Variants in DGCR6L observed in about 807,000 individuals in gnomAD.
DGCR6L encodes DiGeorge syndrome critical region gene 6 like, also known as protein DGCR6L.
DGCR6L carries 24 observed loss-of-function variants against 31.1 expected under a neutral mutation model. The observed-to-expected ratio is 0.77, with a 90% CI of 0.56 to 1.08. DGCR6L has a LOEUF of 1.08. Among genes scored for constraint, DGCR6L ranks in the 50% least tolerant of loss-of-function variants. The probability of loss-of-function intolerance (pLI) is 0.00; values close to 1 mark genes in which losing one functional copy is unlikely to be tolerated. For missense variants in DGCR6L, 218 were observed against 287.1 expected (o/e 0.76, Z 1.74); for synonymous variants, 104 against 126.1 (o/e 0.82, Z 1.17).
chr22:20,316,146 A>G lies in DGCR6L; in HGVS notation c.345T>C (p.Val115=). Residue 115 remains valine (V), a synonymous_variant, in exon 3 of 5, where the codon GTT becomes GTC. Coordinates refer to ENST00000248879, the MANE Select transcript of DGCR6L (RefSeq NM_033257.4). ...CTAGTTCTCGCTGCTGAGCCGCCTG[A>G]ACCACAGGCAGGTTGTGGGGCCGGC... ...QACRPHNLPV[V]QAAQQRELEA... The G allele has an allele frequency of 6.2e-7, 1 of 1,611,118 alleles. No individual in the cohort carries two copies. The highest frequency in any genetic ancestry group is 8.5e-7 in the Non-Finnish European group (1 of 1,179,512).
rs2051556584 is a variant in DGCR6L, at chr22:20,314,555, G to C, written c.*120C>G. ...TGACAGCAAGTCCCAGATGAAGGGTGACAGGCAGCTGGGGTCCACCTGGTC... is the reference window on the plus strand; with the variant it reads ...TGACAGCAAGTCCCAGATGAAGGGTCACAGGCAGCTGGGGTCCACCTGGTC... On this transcript the variant is annotated 3_prime_UTR_variant, in exon 5 of 5. Coordinates refer to ENST00000248879, the MANE Select transcript of DGCR6L (RefSeq NM_033257.4). The C allele has an allele frequency of 7.5e-7, 1 of 1,341,180 alleles. No individual in the cohort carries two copies. The highest frequency in any genetic ancestry group is 2.9e-5 in the Admixed American group (1 of 34,990). 83.1% of individuals were successfully genotyped at this position (1,341,180 alleles called of 1,614,324 possible). A position where few individuals can be genotyped will look rare whatever the true frequency, so the allele number is the denominator to read the frequency against.
At chr22:20,317,591 C>T (rs1208778524) in intron 2 of DGCR6L, among the ~76,000 whole-genome samples, 1 of 152,248 alleles carries the variant, frequency 6.6e-6, no homozygotes, top group African/African-American at 2.4e-5. Flanking sequence ...CAGGCAGTTA[C>T]TAAAACTCCC....
rs1056814 is a variant in DGCR6L, at chr22:20,315,425, T to C, written c.424A>G (p.Ile142Val). Residue 142 changes from isoleucine (I) to valine (V), a missense_variant, in exon 4 of 5, where the codon ATC becomes GTC. Ile to Val is a conservative substitution (Grantham distance 29). This residue lies in a region of DGCR6L where 58 missense variants were observed against 105.4 expected (regional missense o/e 0.55). Coordinates refer to ENST00000248879, the MANE Select transcript of DGCR6L (RefSeq NM_033257.4). ...GCCACCTTCCGGTCCAGCTCCAGGATGATCTTCTGGTCCATCGCCCGCTGC... is the reference window on the plus strand; with the variant it reads ...GCCACCTTCCGGTCCAGCTCCAGGACGATCTTCTGGTCCATCGCCCGCTGC... The part of the protein sequence containing the change: ...EEQRAMDQKI[I>V]LELDRKVADQ... 1.1e-4 allele frequency: 175 copies of C among 1,613,940 alleles called. No homozygotes were observed. The highest frequency in any genetic ancestry group is 1.1e-4 in the Non-Finnish European group (128 of 1,180,006).
chr22:20,314,388 G>A lies in DGCR6L; in HGVS notation c.*287C>T. The A allele has an allele frequency of 4.8e-6, 2 of 419,368 alleles. No individual in the cohort carries two copies. Among genetic ancestry groups the A allele is most frequent in the Non-Finnish European group, 8.3e-6 (2 of 240,132 alleles). The allele number at this position is 419,368 out of a possible 1,614,324, so 26.0% of individuals were successfully genotyped here. On this transcript the variant is annotated 3_prime_UTR_variant, in exon 5 of 5. Transcript: ENST00000248879. ...AAGGGAGCGGCTGAGACCAGAACAA[G>A]CGCTCGGGTGGGCCCCAGTGCAGGT...
chr22:20,319,487 G>A lies in DGCR6L; in HGVS notation c.271+152C>T, dbSNP rs1351652741. On this transcript the variant is annotated intron_variant, in intron 2 of 4. Coordinates refer to ENST00000248879, the MANE Select transcript of DGCR6L (RefSeq NM_033257.4). ...TGGACCCACTGATCACCAAAAAGGC[G>A]CTGTCTCAGTCTCTGCGCCCGTTGA... is the stretch of plus-strand genomic sequence containing the variant. 1.1e-5 allele frequency: 15 copies of A among 1,364,170 alleles called. No individual in the cohort carries two copies. In the South Asian group the frequency reaches 2.0e-4, roughly 18 times the overall value. The allele number at this position is 1,364,170 out of a possible 1,614,324, so 84.5% of individuals were successfully genotyped here. A position where few individuals can be genotyped will look rare whatever the true frequency, so the allele number is the denominator to read the frequency against.
In DGCR6L at chr22:20,319,695, T is replaced by G. The variant is rs1423911947; in HGVS notation, c.215A>C (p.His72Pro). The G allele has an allele frequency of 6.2e-7, 1 of 1,612,144 alleles. No homozygotes were observed. Among genetic ancestry groups the G allele is most frequent in the Non-Finnish European group, 8.5e-7 (1 of 1,179,852 alleles). The change falls in exon 2 of 5, where the codon CAC (histidine) becomes CCC (proline). Residue 72 changes from histidine (H) to proline (P), a missense_variant. His to Pro is a moderately conservative substitution (Grantham distance 77). Around this residue, in one of 4 missense-constraint regions of DGCR6L, gnomAD observed 78 missense variants for 90.0 expected, o/e 0.87. Transcript: ENST00000248879. Reference sequence around the variant, plus strand: ...GTTGTACAGGCTCTTTTCGGTGAGGTGCTGGATCTCCAGTAGCCCCTGCAC... The same window carrying G: ...GTTGTACAGGCTCTTTTCGGTGAGGGGCTGGATCTCCAGTAGCCCCTGCAC... ...EIVQGLLEIQ[H>P]LTEKSLYNQR...
Position 20,315,341 on chromosome 22 carries a change from G to C in DGCR6L, c.508C>G (p.Pro170Ala). Residue 170 changes from proline (P) to alanine (A), a missense_variant, in exon 4 of 5, where the codon CCA becomes GCA. Pro to Ala is a conservative substitution (Grantham distance 27). Transcript: ENST00000248879. ...GVAGFYVTTN[P>A]QELMLQMNLL... Reference sequence around the variant, plus strand: ...GAGCAGGCCCAGGCACTGACCTGTGGGTTGGTGGTCACGTAGAAGCCAGCC... The same window carrying C: ...GAGCAGGCCCAGGCACTGACCTGTGCGTTGGTGGTCACGTAGAAGCCAGCC... 1 of 1,613,054 alleles carries C rather than the reference G, an allele frequency of 6.2e-7. No homozygotes were observed. Among genetic ancestry groups the C allele is most frequent in the Non-Finnish European group, 8.5e-7 (1 of 1,179,698 alleles).
At position 20,314,596 on chromosome 22, in the gene DGCR6L, G is replaced by T; in HGVS notation, c.*79C>A. ...CCACCTGGTCTCTCCTCAGCAGGGG[G>T]AACCCCCTGCGGGCAGCTGGGAAGG... is the stretch of plus-strand genomic sequence containing the variant. On this transcript the variant is annotated 3_prime_UTR_variant, in exon 5 of 5. Coordinates refer to ENST00000248879, the MANE Select transcript of DGCR6L (RefSeq NM_033257.4). 4 of 1,487,702 alleles carry T rather than the reference G, an allele frequency of 2.7e-6. No homozygotes were observed. Among genetic ancestry groups the T allele is most frequent in the Non-Finnish European group, 3.6e-6 (4 of 1,116,414 alleles). The allele number at this position is 1,487,702 out of a possible 1,614,324, so 92.2% of individuals were successfully genotyped here. A position where few individuals can be genotyped will look rare whatever the true frequency, so the allele number is the denominator to read the frequency against.
In DGCR6L at chr22:20,319,992, G is replaced by A. The variant is rs765289920; in HGVS notation, c.-4C>T. 1.7e-5 allele frequency: 26 copies of A among 1,561,866 alleles called. No individual in the cohort carries two copies. The Admixed American group carries it at 5.1e-4, about 31-fold the overall frequency. ...AGGCGGCCGCGTAGCGCTCCATGGC[G>A]CGGACGCCCGCTAGCCGCCGGCGGC... On this transcript the variant is annotated 5_prime_UTR_variant, in exon 1 of 5. Transcript: ENST00000248879.
chr22:20,316,331 G>A (rs5993964), intron 2 of DGCR6L, 112 bp from the exon 3 acceptor site: 616,206 of 1,400,572 alleles, frequency 0.44, 136,261 homozygotes, highest in Non-Finnish European at 0.46. Flanking sequence ...GGTGTCTGCA[G>A]TGGGGAGGAT....
chr22:20,316,760 AGAGG>A (rs2051574572), intron 2 of DGCR6L, among the ~76,000 whole-genome samples: 1 of 152,170 alleles, frequency 6.6e-6, no homozygotes. Context: ...GCACAGCGCC[AGAGG>A]GAGAAGGGTG....
intron 4 of DGCR6L, 159 bp from the exon 5 acceptor site, chr22:20,314,983 AG>A (rs1415587562): frequency 2.2e-5 from 33 of 1,473,462 alleles, no homozygotes; most frequent in Non-Finnish European, 3.0e-5. Context: ...TGCCCCCAAC[AG>A]GGCCACTCGG....
chr22:20,317,872 C>CA (rs1208525836), intron 2 of DGCR6L, among the ~76,000 whole-genome samples: 1 of 152,202 alleles, frequency 6.6e-6, no homozygotes, highest in Non-Finnish European at 1.5e-5. Context: ...TTTAAAAAGA[C>CA]AATCGCCCAG....
At position 20,319,814 on chromosome 22, in the gene DGCR6L, G is replaced by A. The variant is rs535424353; in HGVS notation, c.111-15C>T. On this transcript the variant is annotated splice_polypyrimidine_tract_variant and intron_variant, in intron 1 of 4. Transcript: ENST00000248879. ...GCTGGAAAGAGCTGCGGGTAGGGGGGCGCGGTGAGCCCCGGCGGGAAACGA... is the reference window on the plus strand; with the variant it reads ...GCTGGAAAGAGCTGCGGGTAGGGGGACGCGGTGAGCCCCGGCGGGAAACGA... The A allele has an allele frequency of 1.0e-5, 16 of 1,604,518 alleles. No individual in the cohort carries two copies. The highest frequency in any genetic ancestry group is 1.3e-5 in the African/African-American group (1 of 74,962).
At chr22:20,317,039 G>A (rs1245608960) in intron 2 of DGCR6L, among the ~76,000 whole-genome samples, 1 of 152,174 alleles carries the variant, frequency 6.6e-6, no homozygotes, top group Non-Finnish European at 1.5e-5. Flanking sequence ...AGCTCCCCAG[G>A]AGGGAGGGGT....
chr22:20,314,465 C>G lies in DGCR6L; in HGVS notation c.*210G>C, dbSNP rs528580408. 14 of 883,466 alleles carry G rather than the reference C, an allele frequency of 1.6e-5. No homozygotes were observed. In the African/African-American group the frequency reaches 1.9e-4, roughly 12 times the overall value. 54.7% of individuals were successfully genotyped at this position (883,466 alleles called of 1,614,324 possible). A position where few individuals can be genotyped will look rare whatever the true frequency, so the allele number is the denominator to read the frequency against. ...TGAGAACCCCCAGCCTCACTCTCTG[C>G]CTGGTCCTGAAGCAGACAGCAGCAG... On this transcript the variant is annotated 3_prime_UTR_variant, in exon 5 of 5. Transcript: ENST00000248879.
Position 20,314,683 on chromosome 22 carries a change from G to C in DGCR6L, c.655C>G (p.Pro219Ala), listed in dbSNP as rs1374805472. 2.4e-5 allele frequency: 38 copies of C among 1,598,120 alleles called. No individual in the cohort carries two copies. The highest frequency in any genetic ancestry group is 3.1e-5 in the Non-Finnish European group (36 of 1,170,220). Residue 219 changes from proline to alanine, a missense_variant, in exon 5 of 5, where the codon CCA becomes GCA. This residue lies in a region of DGCR6L where 58 missense variants were observed against 105.4 expected (regional missense o/e 0.55). Coordinates refer to ENST00000248879, the MANE Select transcript of DGCR6L (RefSeq NM_033257.4). ...AQCDQKGSPV[P>A]P is the part of the protein sequence containing the mutation. ...ACTTCTGCTGCCTGTGGCTATGGTG[G>C]GACAGGGCTGCCTTTCTGGTCACAC...
intron 2 of DGCR6L, 76 bp downstream of exon 2, chr22:20,319,563 T>C (rs548095854): frequency 6.4e-7 from 1 of 1,563,796 alleles, no homozygotes; most frequent in South Asian, 1.2e-5. Context: ...AAGGAGCTGA[T>C]CTGCACAGAT....
chr22:20,319,773 G>T lies in DGCR6L; in HGVS notation c.137C>A (p.Thr46Asn). Reference sequence around the variant, plus strand: ...CGCCAGGGCCAGGTCGCTGAGCGTGGTGTAGGACAGGCGCTGCTGGAAAGA... The same window carrying T: ...CGCCAGGGCCAGGTCGCTGAGCGTGTTGTAGGACAGGCGCTGCTGGAAAGA... The part of the protein sequence containing the change: ...PSSFQQRLSY[T>N]TLSDLALALL... Residue 46 changes from threonine to asparagine, a missense_variant, in exon 2 of 5, where the codon ACC becomes AAC. Thr to Asn is a moderately conservative substitution (Grantham distance 65). This residue lies in a region of DGCR6L where 77 missense variants were observed against 71.2 expected (regional missense o/e 1.08). Transcript: ENST00000248879. 3 of 1,612,336 alleles carry T rather than the reference G, an allele frequency of 1.9e-6. No individual in the cohort carries two copies. The highest frequency in any genetic ancestry group is 1.7e-6 in the Non-Finnish European group (2 of 1,179,350).
Sources: allele counts gnomAD v4.1 joint callset (sites outside exome capture counted in the v4.1 genomes callset), GRCh38; gene constraint gnomAD v4.1.1; regional missense constraint gnomAD v4.1.1; transcripts MANE v1.5; gene names NCBI Gene and HGNC (gene_info 2026-07-23, HGNC 2026-07-21).